The following SLC25A26 variants were observed in gnomAD, a reference collection of about 807,000 sequenced individuals.
The protein encoded by SLC25A26 is mitochondrial S-adenosylmethionine carrier protein.
In SLC25A26, 36 loss-of-function variants were observed where a neutral mutation model predicts 37.8. The observed-to-expected ratio is 0.95, with a 90% CI of 0.73 to 1.26. SLC25A26 has a LOEUF of 1.26. SLC25A26 is among the 50% of genes most tolerant of loss of function. SLC25A26 has a pLI of 0.00. For missense variants in SLC25A26, 390 were observed against 331.1 expected (o/e 1.18, Z -1.38); for synonymous variants, 129 against 122.5 (o/e 1.05, Z -0.35).
At chr3:66,142,041 A>C (rs2070043423) in intron 1 of SLC25A26, among the ~76,000 whole-genome samples, 1 of 152,238 alleles carries the variant, frequency 6.6e-6, no homozygotes, top group Non-Finnish European at 1.5e-5. Flanking sequence ...AGTCAGTGGC[A>C]TTTGGTGCAT....
chr3:66,195,448 G>C (rs879056598), intron 1 of SLC25A26, among the ~76,000 whole-genome samples: 46,248 of 152,226 alleles, frequency 0.3, 8,582 homozygotes, highest in East Asian at 0.58. Flanking sequence ...AGGGATTAAC[G>C]GGGAGATCTG....
At chr3:66,374,403 C>T (rs969126191) in intron 9 of SLC25A26, among the ~76,000 whole-genome samples, 6 of 152,174 alleles carry the variant, frequency 3.9e-5, no homozygotes, top group Admixed American at 6.5e-5. Context: ...CTGTGTCCAC[C>T]GAAGACGGCA....
At chr3:66,258,538 A>G (rs570490143) in intron 3 of SLC25A26, among the ~76,000 whole-genome samples, 2 of 152,344 alleles carry the variant, frequency 1.3e-5, no homozygotes, top group East Asian at 1.9e-4. Context: ...GCTTGCTCCA[A>G]ACAGCACTGT....
Position 66,209,898 on chromosome 3 carries a change from TTATATATATATATATATATATATATATA to T in SLC25A26, c.-353-10822_-353-10795del, listed in dbSNP as rs1159734636. Among the ~76,000 whole-genome samples, 68 of 38,616 alleles carry T rather than the reference TTATATATATATATATATATATATATATA, an allele frequency of 1.8e-3. 7 individuals carry two copies. Among genetic ancestry groups the T allele is most frequent in the African/African-American group, 5.1e-3 (58 of 11,376 alleles). The allele number at this position is 38,616 out of a possible 152,430, so 25.3% of individuals were successfully genotyped here. ...TATACTCCTCTCTCTCTCTCTCTAT[TTATATATATATATATATATATATATATA>T]TATATATATATATATATATATGCAG... On this transcript the variant is annotated intron_variant, in intron 1 of 10. Transcript: ENST00000676754.
At chr3:66,316,970 C>T (rs1285028071) in intron 5 of SLC25A26, among the ~76,000 whole-genome samples, 3 of 152,174 alleles carry the variant, frequency 2.0e-5, no homozygotes, top group Middle Eastern at 3.2e-3. Flanking sequence ...TTATGTTCAT[C>T]TCTAAACTGG....
chr3:66,282,318 G>A (rs2074374418), intron 5 of SLC25A26, among the ~76,000 whole-genome samples: 1 of 152,116 alleles, frequency 6.6e-6, no homozygotes, highest in African/African-American at 2.4e-5. Context: ...GCCTGATTTT[G>A]CATTTTTAGT....
At chr3:66,236,255 A>G (rs2072278916) in intron 1 of SLC25A26, among the ~76,000 whole-genome samples, 1 of 133,664 alleles carries the variant, frequency 7.5e-6, no homozygotes, top group Admixed American at 8.0e-5. Flanking sequence ...CCATGTGAGT[A>G]CTATATTAAC....
intron 5 of SLC25A26, among the ~76,000 whole-genome samples, chr3:66,297,580 C>G (rs1366283970): frequency 6.6e-6 from 1 of 152,170 alleles, no homozygotes; most frequent in African/African-American, 2.4e-5. Context: ...TGTTTAATCT[C>G]TCTGGGTATT....
At chr3:66,248,792 A>C (rs1411153896) in intron 3 of SLC25A26, among the ~76,000 whole-genome samples, 1 of 152,212 alleles carries the variant, frequency 6.6e-6, no homozygotes, top group Non-Finnish European at 1.5e-5. Context: ...AGCCTCTAAC[A>C]GTACTTCCCC....
chr3:66,312,961 C>T (rs1046665810), intron 5 of SLC25A26, among the ~76,000 whole-genome samples: 1 of 152,066 alleles, frequency 6.6e-6, no homozygotes, highest in African/African-American at 2.4e-5. Flanking sequence ...CTTGCCAGAT[C>T]CCCCTGTTTG....
intron 1 of SLC25A26, among the ~76,000 whole-genome samples, chr3:66,193,348 C>CT (rs1243225601): frequency 1.3e-5 from 2 of 152,036 alleles, no homozygotes; most frequent in Non-Finnish European, 2.9e-5. Flanking sequence ...ACAGAGGTTC[C>CT]TTTTTTTGTC....
Position 66,311,097 on chromosome 3 carries a change from G to A in SLC25A26, c.454-35267G>A, listed in dbSNP as rs193269028. 9.9e-5 allele frequency among the ~76,000 whole-genome samples: 15 copies of A among 152,222 alleles called. No individual in the cohort carries two copies. In the East Asian group the frequency reaches 2.7e-3, roughly 27 times the overall value. On this transcript the variant is annotated intron_variant, in intron 5 of 9. Transcript: ENST00000354883. ...ATCCTCAAGTGTGTTTTCCAACGTG[G>A]TTCCATTCTCCCTGTCACTTTCGGG...
intron 1 of SLC25A26, among the ~76,000 whole-genome samples, chr3:66,185,037 C>T (rs1163666060): frequency 6.6e-6 from 1 of 152,198 alleles, no homozygotes; most frequent in Non-Finnish European, 1.5e-5. Context: ...AGTACATTCA[C>T]GTTGTTGTGC....
chr3:66,209,899 T>TTATAC (rs2071257803), intron 1 of SLC25A26, among the ~76,000 whole-genome samples: 149 of 5,632 alleles, frequency 0.026, 9 homozygotes, highest in African/African-American at 0.066. Flanking sequence ...TCTCTCTATT[T>TTATAC]ATATATATAT....
chr3:66,212,332 C>A (rs1403805028), intron 1 of SLC25A26, among the ~76,000 whole-genome samples: 1 of 151,906 alleles, frequency 6.6e-6, no homozygotes, highest in Non-Finnish European at 1.5e-5. Context: ...CCCAAGCTGG[C>A]CTCAGACTCC....
chr3:66,187,645 C>G (rs1329370625), intron 1 of SLC25A26, among the ~76,000 whole-genome samples: 1 of 152,110 alleles, frequency 6.6e-6, no homozygotes, highest in East Asian at 1.9e-4. Context: ...TTGACCCTAA[C>G]TGTACCAATG....
At chr3:66,321,986 A>G (rs978067782) in intron 5 of SLC25A26, among the ~76,000 whole-genome samples, 1 of 152,118 alleles carries the variant, frequency 6.6e-6, no homozygotes, top group Non-Finnish European at 1.5e-5. Flanking sequence ...GCATTAAGCC[A>G]TTCATGAGGG....
At chr3:66,333,451 T>C (rs2076023473) in intron 5 of SLC25A26, among the ~76,000 whole-genome samples, 1 of 152,210 alleles carries the variant, frequency 6.6e-6, no homozygotes, top group Admixed American at 6.5e-5. Flanking sequence ...ATTTGGAAAA[T>C]CATGTTTTTA....
intron 5 of SLC25A26, among the ~76,000 whole-genome samples, chr3:66,265,370 A>G (rs1173442901): frequency 1.3e-5 from 2 of 152,208 alleles, no homozygotes; most frequent in Non-Finnish European, 2.9e-5. Context: ...AGAAGAGACT[A>G]TCTTGAAAAA....
Sources: gnomAD v4.1 joint callset for allele counts (sites outside exome capture counted in the v4.1 genomes callset) on GRCh38, gnomAD v4.1.1 for gene constraint, MANE v1.5 for transcripts, NCBI Gene and HGNC (gene_info 2026-07-23, HGNC 2026-07-21) for gene names.